PDE4D: variants seen among roughly 807,000 people sequenced by gnomAD.
PDE4D encodes phosphodiesterase 4D, also known as 3',5'-cyclic-AMP phosphodiesterase 4D.
In PDE4D, 24 loss-of-function variants were observed where a neutral mutation model predicts 87.4. The observed-to-expected ratio is 0.27, with a 90% CI of 0.20 to 0.39. The LOEUF (loss-of-function observed/expected upper bound fraction) is 0.39, where lower values mean the gene tolerates loss of function less well. Ranked by LOEUF, PDE4D falls within the 10% of genes least tolerant of loss-of-function variation. The pLI, the probability that PDE4D is intolerant of heterozygous loss-of-function variation, is 1.00. For synonymous variants in PDE4D, 384 were observed against 383.2 expected, an observed-to-expected ratio of 1.00 and a Z score of -0.02; for missense variants, 714 against 1,041.0, an observed-to-expected ratio of 0.69 and a Z score of 4.32.
In PDE4D at chr5:59,792,753, TTGAC is replaced by T. The variant is rs138345225; in HGVS notation, c.455+100411_455+100414del. Among the ~76,000 whole-genome samples, 26 of 152,184 alleles carry T rather than the reference TTGAC, an allele frequency of 1.7e-4. No homozygotes were observed. The East Asian group carries it at 5.0e-3, about 29-fold the overall frequency. On this transcript the variant is annotated intron_variant, in intron 1 of 14. Transcript: ENST00000340635. The stretch of plus-strand genomic sequence containing the variant: ...ATGGGTTTGGCATCATGTAAACTAA[TTGAC>T]TGGGGAAGAAACAGAACAAAAAGGC...
intron 1 of PDE4D, among the ~76,000 whole-genome samples, chr5:60,440,700 C>A (rs1745137731): frequency 6.6e-6 from 1 of 152,012 alleles, no homozygotes; most frequent in Admixed American, 6.6e-5. Flanking sequence ...GGATTTGAGA[C>A]AAAATATGAA....
intron 3 of PDE4D, among the ~76,000 whole-genome samples, chr5:59,941,334 T>A (rs1757158822): frequency 6.6e-6 from 1 of 152,230 alleles, no homozygotes; most frequent in South Asian, 2.1e-4. Flanking sequence ...CAACAGTGCT[T>A]TACAACCTTA....
At chr5:59,745,180 T>C (rs1295539044) in intron 1 of PDE4D, among the ~76,000 whole-genome samples, 2 of 152,086 alleles carry the variant, frequency 1.3e-5, no homozygotes, top group Non-Finnish European at 2.9e-5. Context: ...TGCCTACATA[T>C]CTAGCATGCT....
rs1251298987 is a variant in PDE4D, at chr5:59,457,012, C to T, written c.456-241044G>A. Among the ~76,000 whole-genome samples, 4 of 152,208 alleles carry T rather than the reference C, an allele frequency of 2.6e-5. No individual in the cohort carries two copies. In the East Asian group the frequency reaches 7.7e-4, roughly 29 times the overall value. ...GATGCTATAAAAATTGTTGAAATGA[C>T]AATAAAAGATTTAAAATATTATATA... On this transcript the variant is annotated intron_variant, in intron 1 of 14. Coordinates refer to ENST00000340635, the MANE Select transcript of PDE4D (RefSeq NM_001104631.2).
intron 1 of PDE4D, among the ~76,000 whole-genome samples, chr5:59,840,447 C>T (rs1742815085): frequency 2.0e-5 from 3 of 152,016 alleles, no homozygotes; most frequent in African/African-American, 7.2e-5. Flanking sequence ...ATATCACCAG[C>T]TCCTAGAGCA....
intron 1 of PDE4D, among the ~76,000 whole-genome samples, chr5:59,722,049 C>T (rs1755905725): frequency 6.6e-6 from 1 of 152,144 alleles, no homozygotes; most frequent in Non-Finnish European, 1.5e-5. Flanking sequence ...TCCCCAAATA[C>T]TTACTCCCTT....
intron 1 of PDE4D, among the ~76,000 whole-genome samples, chr5:59,529,654 C>G (rs1484577421): frequency 6.6e-6 from 1 of 152,168 alleles, no homozygotes; most frequent in Non-Finnish European, 1.5e-5. Flanking sequence ...AACTTCTATC[C>G]TCTTCATCCC....
At chr5:60,122,953 T>C (rs927506437) in intron 2 of PDE4D, among the ~76,000 whole-genome samples, 3 of 152,170 alleles carry the variant, frequency 2.0e-5, no homozygotes, top group Admixed American at 6.5e-5. Context: ...CTAAATCATC[T>C]CTCAAGTTCA....
chr5:59,314,198 G>A (rs1773235197), intron 1 of PDE4D: 1 of 152,070 alleles, frequency 6.6e-6, no homozygotes, highest in Non-Finnish European at 1.5e-5. Flanking sequence ...AAACTGCCCT[G>A]TGAGGGAAGT....
Position 59,893,677 on chromosome 5 carries a change from G to A in PDE4D, c.-55C>T, listed in dbSNP as rs886060716. ...CAGCCCGGGTTCACCGCGCTGGCCC[G>A]AGCGCCTTCCTGATGCTGCTGCTGC... On this transcript the variant is annotated 5_prime_UTR_variant, in exon 1 of 15. Coordinates refer to ENST00000340635, the MANE Select transcript of PDE4D (RefSeq NM_001104631.2). The A allele has an allele frequency of 2.8e-5, 39 of 1,403,880 alleles. No individual in the cohort carries two copies. Among genetic ancestry groups the A allele is most frequent in the Middle Eastern group, 2.3e-4 (1 of 4,398 alleles). 87.0% of individuals were successfully genotyped at this position (1,403,880 alleles called of 1,614,324 possible). A position where few individuals can be genotyped will look rare whatever the true frequency, so the allele number is the denominator to read the frequency against.
intron 2 of PDE4D, chr5:60,160,782 T>A (rs1200039661): frequency 4.4e-6 from 2 of 450,398 alleles, no homozygotes; most frequent in Middle Eastern, 3.3e-4. Flanking sequence ...TTCCCTAGTA[T>A]TCCTGTCTTC....
rs575908528 is a variant in PDE4D at position 59,827,980 on chromosome 5, T to C, written c.455+65188A>G. On this transcript the variant is annotated intron_variant, in intron 1 of 14. Coordinates refer to ENST00000340635, the MANE Select transcript of PDE4D (RefSeq NM_001104631.2). ...TTAACTTATTATTTTCACATAATTG[T>C]TTATAGAGATTAGGAGAAACTATAT... is the stretch of plus-strand genomic sequence containing the variant. Among the ~76,000 whole-genome samples, 41 of 152,266 alleles carry C rather than the reference T, an allele frequency of 2.7e-4. 1 individual carries two copies. In the South Asian group the frequency reaches 5.2e-3, roughly 19 times the overall value.
chr5:59,350,457 C>A (rs1780341841), intron 1 of PDE4D, among the ~76,000 whole-genome samples: 1 of 152,098 alleles, frequency 6.6e-6, no homozygotes, highest in African/African-American at 2.4e-5. Flanking sequence ...TGAGTTTGAA[C>A]AAATGAACCA....
At chr5:60,125,539 G>T (rs1168777970) in intron 2 of PDE4D, among the ~76,000 whole-genome samples, 2 of 152,088 alleles carry the variant, frequency 1.3e-5, no homozygotes, top group Non-Finnish European at 2.9e-5. Flanking sequence ...CTGCTAAACA[G>T]CTCATAGCTG....
chr5:59,462,484 C>A (rs1800918371), intron 1 of PDE4D, among the ~76,000 whole-genome samples: 2 of 152,092 alleles, frequency 1.3e-5, no homozygotes, highest in Non-Finnish European at 2.9e-5. Context: ...GTTCTGAGCA[C>A]CCTGGGGTTT....
chr5:59,500,816 A>C (rs752450695), intron 1 of PDE4D, among the ~76,000 whole-genome samples: 1 of 152,106 alleles, frequency 6.6e-6, no homozygotes, highest in African/African-American at 2.4e-5. Flanking sequence ...AGGACTGGCC[A>C]TTGTATCATT....
chr5:59,883,190 A>G (rs1316760757), intron 1 of PDE4D, among the ~76,000 whole-genome samples: 2 of 152,232 alleles, frequency 1.3e-5, no homozygotes, highest in Non-Finnish European at 2.9e-5. Context: ...CTTGAGGGCT[A>G]CAGTTACAGG....
intron 1 of PDE4D, among the ~76,000 whole-genome samples, chr5:59,451,433 C>T (rs1002511789): frequency 3.9e-5 from 6 of 152,184 alleles, no homozygotes; most frequent in African/African-American, 1.4e-4. Flanking sequence ...GCCTCCTGAG[C>T]TCCAGACACA....
At chr5:60,129,487 A>G (rs1373028538) in intron 2 of PDE4D, among the ~76,000 whole-genome samples, 2 of 152,174 alleles carry the variant, frequency 1.3e-5, no homozygotes, top group East Asian at 3.9e-4. Context: ...TAATTTGATG[A>G]CTGCAACTTA....
Sources: allele counts gnomAD v4.1 joint callset (sites outside exome capture counted in the v4.1 genomes callset), GRCh38; gene constraint gnomAD v4.1.1; transcripts MANE v1.5; gene names NCBI Gene and HGNC (gene_info 2026-07-23, HGNC 2026-07-21).